The following KBTBD11 variants were observed in gnomAD, a reference collection of about 807,000 sequenced individuals.
KBTBD11 encodes kelch repeat and BTB domain containing 11, also known as kelch repeat and BTB domain-containing protein 11.
For synonymous variants in KBTBD11, 747 were observed against 499.0 expected, an observed-to-expected ratio of 1.50 and a Z score of -6.63; for missense variants, 1,390 against 1,001.8, an observed-to-expected ratio of 1.39 and a Z score of -5.23.
At position 2,003,356 on chromosome 8, in the gene KBTBD11, A is replaced by G; in HGVS notation, c.*292A>G. 3.1e-6 allele frequency: 1 copy of G among 324,896 alleles called. No individual in the cohort carries two copies. The highest frequency in any genetic ancestry group is 5.7e-5 in the East Asian group (1 of 17,486). 20.1% of individuals were successfully genotyped at this position (324,896 alleles called of 1,614,324 possible). ...ATCCAAAGGGTCAGCCTCAGGGTAC[A>G]GTGGGGGTTCCTGAGGCAGCCTGCA... On this transcript the variant is annotated 3_prime_UTR_variant, in exon 2 of 2. Coordinates refer to ENST00000320248, the MANE Select transcript of KBTBD11 (RefSeq NM_014867.3).
chr8:2,002,643 C>A lies in KBTBD11; in HGVS notation c.1451C>A (p.Pro484Gln), dbSNP rs756865323. ...CGGCGCGACGAGTGGCAGGAGTGCC[C>A]GTGCAGCAGCAGCCGCGAGCGCTCG... ...DPRRDEWQEC[P>Q]CSSSRERSAD... Residue 484 changes from proline to glutamine, a missense_variant, in exon 2 of 2, where the codon CCG becomes CAG. Coordinates refer to ENST00000320248, the MANE Select transcript of KBTBD11 (RefSeq NM_014867.3). The surrounding 1 kb of genome is among the most constrained non-coding windows in gnomAD (Gnocchi z 4.1). 1.3e-6 allele frequency: 2 copies of A among 1,578,484 alleles called. No individual in the cohort carries two copies. The highest frequency in any genetic ancestry group is 1.7e-5 in the Admixed American group (1 of 57,640).
At chr8:1,981,351 G>A (rs1171024733) in intron 1 of KBTBD11, among the ~76,000 whole-genome samples, 2 of 152,174 alleles carry the variant, frequency 1.3e-5, no homozygotes, top group Non-Finnish European at 2.9e-5. Context: ...ATTGAAAAGT[G>A]TAAAATTCAC....
Position 2,001,342 on chromosome 8 carries a change from G to T in KBTBD11, c.150G>T (p.Pro50=). The change falls in exon 2 of 2, where the codon CCG becomes CCT. Residue 50 remains proline (P), a synonymous_variant. Coordinates refer to ENST00000320248, the MANE Select transcript of KBTBD11 (RefSeq NM_014867.3). ...SLCFSSGEES[P]PQSLASAAEG... is the part of the protein sequence containing the mutation. Reference sequence around the variant, plus strand: ...GCTTCAGCTCCGGGGAAGAGTCCCCGCCGCAGTCCCTCGCCTCAGCGGCGG... The same window carrying T: ...GCTTCAGCTCCGGGGAAGAGTCCCCTCCGCAGTCCCTCGCCTCAGCGGCGG... 6.6e-7 allele frequency: 1 copy of T among 1,508,926 alleles called. No individual in the cohort carries two copies. Among genetic ancestry groups the T allele is most frequent in the Non-Finnish European group, 8.8e-7 (1 of 1,136,170 alleles). 93.5% of individuals were successfully genotyped at this position (1,508,926 alleles called of 1,614,324 possible).
intron 1 of KBTBD11, among the ~76,000 whole-genome samples, chr8:1,981,604 G>A (rs920901671): frequency 3.9e-5 from 6 of 152,222 alleles, no homozygotes; most frequent in African/African-American, 1.2e-4. Context: ...ATTTGAACCA[G>A]TGTGAGGAAG....
intron 1 of KBTBD11, among the ~76,000 whole-genome samples, chr8:1,995,244 G>A (rs145464596): frequency 1.3e-5 from 2 of 151,946 alleles, no homozygotes; most frequent in Admixed American, 6.6e-5. Context: ...GCTTACAATT[G>A]GCTTTAGTTT....
intron 1 of KBTBD11, among the ~76,000 whole-genome samples, chr8:1,995,134 G>A (rs1478689334): frequency 2.7e-5 from 4 of 150,456 alleles, no homozygotes; most frequent in Admixed American, 6.6e-5. Context: ...TCTAATGCAT[G>A]TTGCTAGGTA....
In KBTBD11 at chr8:2,003,017, C is replaced by G; in HGVS notation, c.1825C>G (p.Leu609Val). 1.6e-6 allele frequency: 2 copies of G among 1,278,386 alleles called. No homozygotes were observed. The highest frequency in any genetic ancestry group is 2.0e-6 in the Non-Finnish European group (2 of 1,012,048). 79.2% of individuals were successfully genotyped at this position (1,278,386 alleles called of 1,614,324 possible). The change falls in exon 2 of 2, where the codon CTC (leucine) becomes GTC (valine). Residue 609 changes from leucine to valine, a missense_variant. Transcript: ENST00000320248. ...CCGGGGTGTGCTCATCCCGTTCGCT[C>G]TCAGCCTGCCTGAGAAGCCGCCCCG... is the stretch of plus-strand genomic sequence containing the variant. ...DVRGVLIPFA[L>V]SLPEKPPRGE...
intron 1 of KBTBD11, among the ~76,000 whole-genome samples, chr8:1,991,459 C>T (rs2129312912): frequency 6.6e-6 from 1 of 152,354 alleles, no homozygotes. Context: ...ACTCTCCTGT[C>T]CTCTTCCCAT....
At chr8:1,979,932 C>T (rs1816484153) in intron 1 of KBTBD11, among the ~76,000 whole-genome samples, 1 of 152,310 alleles carries the variant, frequency 6.6e-6, no homozygotes, top group Middle Eastern at 3.4e-3. Context: ...CCTCTGTTTG[C>T]AGCTGAGAGG....
In KBTBD11 at chr8:2,003,336, A is replaced by C; in HGVS notation, c.*272A>C. The C allele has an allele frequency of 8.1e-6, 3 of 368,464 alleles. No homozygotes were observed. Among genetic ancestry groups the C allele is most frequent in the East Asian group, 1.0e-4 (2 of 19,190 alleles). 22.8% of individuals were successfully genotyped at this position (368,464 alleles called of 1,614,324 possible). On this transcript the variant is annotated 3_prime_UTR_variant, in exon 2 of 2. Coordinates refer to ENST00000320248, the MANE Select transcript of KBTBD11 (RefSeq NM_014867.3). ...GACACAGAGAAGGCTGTGGGATCCA[A>C]AGGGTCAGCCTCAGGGTACAGTGGG...
At chr8:1,986,547 G>T (rs868797367) in intron 1 of KBTBD11, among the ~76,000 whole-genome samples, 1 of 152,122 alleles carries the variant, frequency 6.6e-6, no homozygotes, top group African/African-American at 2.4e-5. Context: ...GACAAAACAC[G>T]AGTTTTTATT....
intron 1 of KBTBD11, among the ~76,000 whole-genome samples, chr8:1,984,561 A>G (rs766361921): frequency 2.6e-5 from 4 of 152,102 alleles, no homozygotes; most frequent in Non-Finnish European, 5.9e-5. Flanking sequence ...TGTTGGGATT[A>G]CAGGCATGAG....
chr8:1,993,097 C>A (rs1285928279), intron 1 of KBTBD11, among the ~76,000 whole-genome samples: 15 of 151,956 alleles, frequency 9.9e-5, no homozygotes, highest in Admixed American at 8.5e-4. Context: ...TGCATGCCAC[C>A]ACTCTCAGCT....
At chr8:1,975,608 C>A (rs1816310928) in intron 1 of KBTBD11, among the ~76,000 whole-genome samples, 1 of 152,206 alleles carries the variant, frequency 6.6e-6, no homozygotes, top group Admixed American at 6.5e-5. Flanking sequence ...ATGAAGTTAT[C>A]TAACTATCAT....
In KBTBD11 at chr8:2,001,014, G is replaced by C. The variant is rs993001364; in HGVS notation, c.-179G>C. ...AGGGCAAAGGCGAGGCGGGGGAGCAGCGTGTGAGATTCCCCCCTTCACACA... is the reference window on the plus strand; with the variant it reads ...AGGGCAAAGGCGAGGCGGGGGAGCACCGTGTGAGATTCCCCCCTTCACACA... On this transcript the variant is annotated 5_prime_UTR_variant, in exon 2 of 2. Transcript: ENST00000320248. 28 of 816,122 alleles carry C rather than the reference G, an allele frequency of 3.4e-5. No individual in the cohort carries two copies. Among genetic ancestry groups the C allele is most frequent in the Non-Finnish European group, 4.6e-5 (28 of 608,966 alleles). 50.6% of individuals were successfully genotyped at this position (816,122 alleles called of 1,614,324 possible).
intron 1 of KBTBD11, among the ~76,000 whole-genome samples, chr8:1,997,194 G>A (rs1334182492): frequency 6.6e-6 from 1 of 152,104 alleles, no homozygotes; most frequent in Admixed American, 6.5e-5. Context: ...CGCTCCTCAG[G>A]GAGCCTCTTA....
At chr8:1,998,750 G>A (rs1225561447) in intron 1 of KBTBD11, among the ~76,000 whole-genome samples, 2 of 152,198 alleles carry the variant, frequency 1.3e-5, no homozygotes, top group African/African-American at 4.8e-5. Flanking sequence ...TTTCTTATCT[G>A]ATAGAGAAGT....
intron 1 of KBTBD11, among the ~76,000 whole-genome samples, chr8:1,993,305 G>A (rs1179361115): frequency 6.6e-6 from 1 of 151,958 alleles, no homozygotes; most frequent in African/African-American, 2.4e-5. Context: ...TAGCTAACAT[G>A]CATTCATCCA....
At chr8:1,985,348 G>C (rs7387198) in intron 1 of KBTBD11, among the ~76,000 whole-genome samples, 13,811 of 152,342 alleles carry the variant, frequency 0.091, 781 homozygotes, top group Non-Finnish European at 0.13. Flanking sequence ...TGACCTGGCC[G>C]ACTCCCGCGC....
Sources: gnomAD v4.1 joint callset for allele counts (sites outside exome capture counted in the v4.1 genomes callset) on GRCh38, gnomAD v4.1.1 for gene constraint, Gnocchi (gnomAD v3.1) non-coding constraint, MANE v1.5 for transcripts, NCBI Gene and HGNC (gene_info 2026-07-23, HGNC 2026-07-21) for gene names.